The following KLRF2 variants were observed in gnomAD, a reference collection of about 807,000 sequenced individuals.
KLRF2 encodes killer cell lectin like receptor F2.
A neutral mutation model predicts 25.3 loss-of-function variants in KLRF2; 28 were observed. The ratio of observed to expected loss-of-function variants is 1.11; its 90% CI spans 0.82 to 1.52. The LOEUF (loss-of-function observed/expected upper bound fraction) is 1.52, where lower values mean the gene tolerates loss of function less well. KLRF2 is among the 40% of genes most tolerant of loss of function. The probability of loss-of-function intolerance (pLI) is 0.00; values close to 1 mark genes in which losing one functional copy is unlikely to be tolerated. For missense variants in KLRF2, 265 were observed against 245.8 expected (o/e 1.08, Z -0.52); for synonymous variants, 73 against 85.0 (o/e 0.86, Z 0.78).
At chr12:9,894,205 A>G (rs1394329485) in intron 5 of KLRF2, among the ~76,000 whole-genome samples, 1 of 131,516 alleles carries the variant, frequency 7.6e-6, no homozygotes, top group Non-Finnish European at 1.5e-5. Context: ...TTTTTTCAGC[A>G]GAGCCTTGCT....
At chr12:9,883,220 G>T (rs1418162594) in intron 1 of KLRF2, among the ~76,000 whole-genome samples, 6 of 152,126 alleles carry the variant, frequency 3.9e-5, no homozygotes, top group Admixed American at 3.9e-4. Flanking sequence ...CCTTAAGATT[G>T]ATATAATTAA....
At chr12:9,894,113 T>C (rs1171571938) in intron 5 of KLRF2, among the ~76,000 whole-genome samples, 3 of 131,148 alleles carry the variant, frequency 2.3e-5, no homozygotes, top group Non-Finnish European at 3.1e-5. Context: ...CTTTTTCTTT[T>C]TCTTTCTTTT....
chr12:9,893,637 G>T, intron 5 of KLRF2, 96 bp downstream of exon 5: 2 of 469,550 alleles, frequency 4.3e-6, no homozygotes, highest in Non-Finnish European at 7.2e-6. Context: ...TTCTTTCTCT[G>T]TTTTCCCTTA....
intron 4 of KLRF2, 84 bp downstream of exon 4, chr12:9,893,252 A>G: frequency 7.7e-7 from 1 of 1,305,786 alleles, no homozygotes. Context: ...TGGGAGGTTT[A>G]TTGTCGTTGC....
chr12:9,887,946 C>T (rs1348228765), intron 2 of KLRF2, among the ~76,000 whole-genome samples: 1 of 149,542 alleles, frequency 6.7e-6, no homozygotes, highest in East Asian at 2.0e-4. Flanking sequence ...CTCCCAACTA[C>T]TTGGGAAGCT....
chr12:9,888,893 A>C (rs1424824750), intron 3 of KLRF2, 113 bp downstream of exon 3: 11 of 582,500 alleles, frequency 1.9e-5, no homozygotes, highest in Admixed American at 1.3e-4. Context: ...CTGGTGGAGA[A>C]AGGTATGGGG....
chr12:9,881,986 T>C (rs1310966498), intron 1 of KLRF2, among the ~76,000 whole-genome samples: 1 of 152,000 alleles, frequency 6.6e-6, no homozygotes, highest in Non-Finnish European at 1.5e-5. Context: ...AAAGTTTATA[T>C]AAACTTAAAG....
chr12:9,884,999 T>C lies in KLRF2; in HGVS notation c.136T>C (p.Phe46Leu), dbSNP rs1271798925. 11 of 1,328,576 alleles carry C rather than the reference T, an allele frequency of 8.3e-6. No homozygotes were observed. Among genetic ancestry groups the C allele is most frequent in the Admixed American group, 3.1e-5 (1 of 31,998 alleles). 82.3% of individuals were successfully genotyped at this position (1,328,576 alleles called of 1,614,324 possible). The change falls in exon 2 of 6, where the codon TTC (phenylalanine) becomes CTC (leucine). Residue 46 changes from phenylalanine (F) to leucine (L), a missense_variant. Physicochemically the swap from Phe to Leu is conservative, Grantham distance 22 (BLOSUM62 0). Transcript: ENST00000535540. ...ATTTGGATGCATTGTGATCCTTATATTCATTATGACAGGGATTGACCTGAA... is the reference window on the plus strand; with the variant it reads ...ATTTGGATGCATTGTGATCCTTATACTCATTATGACAGGGATTGACCTGAA... ...LIFGCIVILI[F>L]IMTGIDLKFW...
chr12:9,890,062 C>T (rs1862656110), intron 3 of KLRF2, among the ~76,000 whole-genome samples: 1 of 151,980 alleles, frequency 6.6e-6, no homozygotes. Flanking sequence ...TCAATATTTT[C>T]CATCTGTATC....
At chr12:9,888,987 GA>G (rs893772465) in intron 3 of KLRF2, among the ~76,000 whole-genome samples, 6 of 151,594 alleles carry the variant, frequency 4.0e-5, no homozygotes, top group East Asian at 3.9e-4. Flanking sequence ...TTTCTAGGAG[GA>G]AAAAAAATAG....
At chr12:9,881,815 T>A in intron 1 of KLRF2, 150 bp downstream of exon 1, 1 of 663,060 alleles carries the variant, frequency 1.5e-6, no homozygotes, top group Non-Finnish European at 2.5e-6. Flanking sequence ...TTTAGATTCA[T>A]GAAAGCATCA....
chr12:9,883,992 C>T (rs891202503), intron 1 of KLRF2, among the ~76,000 whole-genome samples: 4 of 152,084 alleles, frequency 2.6e-5, no homozygotes, highest in Non-Finnish European at 2.9e-5. Context: ...CAGAGTATCT[C>T]AAATTACTTT....
At chr12:9,885,053 T>C in intron 2 of KLRF2, 21 bp downstream of exon 2, 1 of 921,644 alleles carries the variant, frequency 1.1e-6, no homozygotes, top group Non-Finnish European at 1.4e-6. Flanking sequence ...AATTTTTATT[T>C]ATTTGAACAT....
intron 3 of KLRF2, among the ~76,000 whole-genome samples, chr12:9,891,475 T>C (rs540753979): frequency 1.1e-4 from 16 of 152,308 alleles, no homozygotes; most frequent in African/African-American, 3.1e-4. Context: ...CAGTGGTACT[T>C]CATTGACCAG....
At chr12:9,886,763 C>A (rs1278886510) in intron 2 of KLRF2, among the ~76,000 whole-genome samples, 850 of 103,050 alleles carry the variant, frequency 8.2e-3, no homozygotes, top group East Asian at 9.0e-3. Context: ...CTATATCATG[C>A]AAAAAAAAAA....
Position 9,893,110 on chromosome 12 carries a change from A to C in KLRF2, c.308A>C (p.Gln103Pro). The C allele has an allele frequency of 3.3e-6, 5 of 1,535,804 alleles. No individual in the cohort carries two copies. The highest frequency in any genetic ancestry group is 4.4e-6 in the Non-Finnish European group (5 of 1,146,644). ...TCTTTTAAAACGTGGAAAGAGAGTC[A>C]ACGTGATTGTACACAGCTACAGGCA... ...STSFKTWKES[Q>P]RDCTQLQAHL... The change falls in exon 4 of 6, where the codon CAA becomes CCA. Residue 103 changes from glutamine to proline, a missense_variant. Coordinates refer to ENST00000535540, the MANE Select transcript of KLRF2 (RefSeq NM_001190765.1).
At chr12:9,890,719 G>A (rs749117086) in intron 3 of KLRF2, among the ~76,000 whole-genome samples, 1 of 152,128 alleles carries the variant, frequency 6.6e-6, no homozygotes, top group African/African-American at 2.4e-5. Flanking sequence ...CTCTTCTTTT[G>A]TTTTCAAAAT....
Position 9,894,097 on chromosome 12 carries a change from TTCTC to T in KLRF2, c.479+560_479+563del, listed in dbSNP as rs1271538790. Among the ~76,000 whole-genome samples the T allele has an allele frequency of 1.4e-3, 212 of 149,806 alleles. 2 individuals carry two copies. Among genetic ancestry groups the T allele is most frequent in the African/African-American group, 4.8e-3 (196 of 40,644 alleles). On this transcript the variant is annotated intron_variant, in intron 5 of 5. Transcript: ENST00000535540. ...TCTCTTTCTCTCTTCTTCTTTCTCTTTCTCTCTTTTTCTTTTTCTTTCTTTTCTT... is the reference window on the plus strand; with the variant it reads ...TCTCTTTCTCTCTTCTTCTTTCTCTTTCTTTTTCTTTTTCTTTCTTTTCTT...
chr12:9,895,722 C>T lies in KLRF2; in HGVS notation c.513C>T (p.Ser171=). ...FSVIGPTDDR[S]CAVITGNWVY... ...TGATTGGACCAACTGATGACAGGAG[C>T]TGTGCCGTTATCACAGGAAACTGGG... The change falls in exon 6 of 6, where the codon AGC becomes AGT. Residue 171 remains serine, a synonymous_variant. Coordinates refer to ENST00000535540, the MANE Select transcript of KLRF2 (RefSeq NM_001190765.1). The T allele has an allele frequency of 6.5e-7, 1 of 1,535,444 alleles. No homozygotes were observed. Among genetic ancestry groups the T allele is most frequent in the East Asian group, 2.4e-5 (1 of 40,860 alleles).
Sources: gnomAD v4.1 joint callset for allele counts (sites outside exome capture counted in the v4.1 genomes callset) on GRCh38, gnomAD v4.1.1 for gene constraint, MANE v1.5 for transcripts, NCBI Gene and HGNC (gene_info 2026-07-23, HGNC 2026-07-21) for gene names.